Variants in NTRK1 observed in about 807,000 individuals in gnomAD.
NTRK1 encodes high affinity nerve growth factor receptor.
In NTRK1, 62 loss-of-function variants were observed where a neutral mutation model predicts 86.8. The observed-to-expected ratio is 0.71, with a 90% CI of 0.58 to 0.88. The LOEUF (loss-of-function observed/expected upper bound fraction) is 0.88. NTRK1 is among the 40% of genes least tolerant of loss of function. The pLI is 0.00. For missense variants in NTRK1, 967 were observed against 1,078.4 expected (o/e 0.90, Z 1.45); for synonymous variants, 469 against 456.6 (o/e 1.03, Z -0.35).
At chr1:156,846,271 T>G in intron 2 of NTRK1, 2 of 893,910 alleles carry the variant, frequency 2.2e-6, no homozygotes, top group Non-Finnish European at 3.3e-6. Context: ...AGTGTTTTGT[T>G]TCTGTCCTCC....
intron 1 of NTRK1, among the ~76,000 whole-genome samples, chr1:156,834,564 C>T (rs1168313323): frequency 2.6e-5 from 4 of 152,036 alleles, no homozygotes; most frequent in South Asian, 2.1e-4. Flanking sequence ...TGATCTTAGG[C>T]GAGTCATTTT....
At chr1:156,858,463 G>T, upstream of NTRK1, 1 of 1,117,958 alleles carries the variant, frequency 8.9e-7, no homozygotes, top group Non-Finnish European at 1.4e-6. Context: ...TGCTGTGGCT[G>T]CAAGCTCAGT....
At position 156,854,320 on chromosome 1, in the gene NTRK1, C is replaced by A; in HGVS notation, c.51-10034C>A. 1 of 1,593,382 alleles carries A rather than the reference C, an allele frequency of 6.3e-7. No individual in the cohort carries two copies. Among genetic ancestry groups the A allele is most frequent in the Non-Finnish European group, 8.5e-7 (1 of 1,170,742 alleles). ...TGGGGCACACTGTGGGCATACACGG[C>A]ACGCAGCATTGAGTACAGCCCAGGC... On this transcript the variant is annotated intron_variant, in intron 2 of 16. Coordinates refer to the NTRK1 transcript ENST00000392302. This position sits in a 1 kb window ranked among gnomAD's most constrained non-coding sequence, Gnocchi z 4.2.
intron 1 of NTRK1, among the ~76,000 whole-genome samples, chr1:156,824,702 C>T (rs1160591860): frequency 6.6e-6 from 1 of 152,182 alleles, no homozygotes; most frequent in African/African-American, 2.4e-5. Context: ...AAGAGCATGA[C>T]ATGTTTGTCA....
At chr1:156,870,526 G>T (rs1647493455) in intron 6 of NTRK1, among the ~76,000 whole-genome samples, 1 of 152,220 alleles carries the variant, frequency 6.6e-6, no homozygotes, top group African/African-American at 2.4e-5. Flanking sequence ...ACAGCCAAGG[G>T]AAGCAGAGGG....
intron 2 of NTRK1, chr1:156,845,671 A>T: frequency 1.2e-6 from 2 of 1,610,692 alleles, no homozygotes; most frequent in Non-Finnish European, 1.7e-6. Context: ...TTCTGGAACG[A>T]GGCCTCTTGC....
rs758075855 is a variant in NTRK1, at chr1:156,854,548, C to T, written c.51-9806C>T. The stretch of plus-strand genomic sequence containing the variant: ...TGATCCTCTCTCCCAAGCCCATCTC[C>T]CCTTCTTGGTTAATAGCGACTTCAT... On this transcript the variant is annotated intron_variant, in intron 2 of 16. Coordinates refer to the NTRK1 transcript ENST00000392302. The surrounding 1 kb of genome is among the most constrained non-coding windows in gnomAD (Gnocchi z 4.2). Among the ~76,000 whole-genome samples, 47 of 152,202 alleles carry T rather than the reference C, an allele frequency of 3.1e-4. No individual in the cohort carries two copies. The highest frequency in any genetic ancestry group is 5.3e-4 in the Non-Finnish European group (36 of 68,022).
intron 3 of NTRK1, chr1:156,865,176 A>T (rs1184936925): frequency 3.3e-6 from 1 of 305,064 alleles, no homozygotes; most frequent in Non-Finnish European, 6.4e-6. Flanking sequence ...GGCCCCTAGG[A>T]CATCCTGGGA....
intron 2 of NTRK1, chr1:156,844,196 C>T: frequency 6.2e-7 from 1 of 1,613,806 alleles, no homozygotes; most frequent in South Asian, 1.1e-5. Flanking sequence ...GTAGAAGAAA[C>T]CAAGGGCAGC....
rs963226936 is a variant in NTRK1, at chr1:156,841,218, G to A, written c.-63-863G>A. ...GGGGATCGTGGGCCATTATGCCTGG[G>A]AGGGTGAGAAGGGATTAAATGGGAG... On this transcript the variant is annotated intron_variant, in intron 1 of 16. Transcript: ENST00000392302. 6 of 1,005,506 alleles carry A rather than the reference G, an allele frequency of 6.0e-6. No homozygotes were observed. In the Admixed American group the frequency reaches 8.2e-5, roughly 14 times the overall value. The allele number at this position is 1,005,506 out of a possible 1,614,324, so 62.3% of individuals were successfully genotyped here. A position where few individuals can be genotyped will look rare whatever the true frequency, so the allele number is the denominator to read the frequency against.
chr1:156,828,619 C>T (rs918115354), intron 1 of NTRK1, among the ~76,000 whole-genome samples: 4 of 152,196 alleles, frequency 2.6e-5, no homozygotes, highest in Non-Finnish European at 4.4e-5. Context: ...CACAGGCACC[C>T]GCGTGGACGA....
At chr1:156,875,462 G>T (rs2102914783) in intron 11 of NTRK1, 58 bp from the exon 12 acceptor site, 1 of 1,609,972 alleles carries the variant, frequency 6.2e-7, no homozygotes, top group South Asian at 1.1e-5. Flanking sequence ...CTGCAGGCAA[G>T]GGTGGGCAGG....
At chr1:156,872,630 T>A (rs888767998) in intron 7 of NTRK1, among the ~76,000 whole-genome samples, 83 of 151,830 alleles carry the variant, frequency 5.5e-4, no homozygotes, top group Non-Finnish European at 1.0e-3. Flanking sequence ...TACATACACT[T>A]TTTTTCTATC....
At chr1:156,879,065 C>T (rs1466819628) in intron 14 of NTRK1, 57 bp from the exon 15 acceptor site, 1 of 1,603,660 alleles carries the variant, frequency 6.2e-7, no homozygotes, top group East Asian at 2.2e-5. Context: ...TCGCCTTCCT[C>T]AGGCTCCTGG....
chr1:156,822,609 G>GT lies in NTRK1; in HGVS notation c.-64+6771_-64+6772insT, dbSNP rs60950376. ...CTCAAAGACCGAGGCTAAAAGATTA[G>GT]AAAAAAAAAAAAAAAAAAAAGCTAT... is the stretch of plus-strand genomic sequence containing the variant. On this transcript the variant is annotated intron_variant, in intron 1 of 16. Transcript: ENST00000392302. Among the ~76,000 whole-genome samples the GT allele has an allele frequency of 5.7e-3, 465 of 81,314 alleles. 11 individuals are homozygous for GT. Among genetic ancestry groups the GT allele is most frequent in the Middle Eastern group, 0.017 (2 of 118 alleles). 53.3% of individuals were successfully genotyped at this position (81,314 alleles called of 152,430 possible). A position where few individuals can be genotyped will look rare whatever the true frequency, so the allele number is the denominator to read the frequency against.
chr1:156,863,975 C>T (rs1481720308), intron 1 of NTRK1, among the ~76,000 whole-genome samples: 1 of 152,024 alleles, frequency 6.6e-6, no homozygotes, highest in Non-Finnish European at 1.5e-5. Flanking sequence ...TGAGCGTGTT[C>T]CTGCAGGCAC....
At chr1:156,822,186 A>G (rs1056829299) in intron 1 of NTRK1, among the ~76,000 whole-genome samples, 1 of 152,180 alleles carries the variant, frequency 6.6e-6, no homozygotes, top group African/African-American at 2.4e-5. Flanking sequence ...CCCTCTCATT[A>G]TGTTCAGCTC....
chr1:156,842,044 C>T (rs1295969243), intron 1 of NTRK1: 1 of 1,601,918 alleles, frequency 6.2e-7, no homozygotes, highest in African/African-American at 1.3e-5. Flanking sequence ...TGTGGGTCTC[C>T]TGATGCCTAG....
chr1:156,864,340 C>T lies in NTRK1; in HGVS notation c.213-14C>T, dbSNP rs754031502. 1.1e-4 allele frequency: 183 copies of T among 1,613,894 alleles called. No homozygotes were observed. Among genetic ancestry groups the T allele is most frequent in the South Asian group, 1.6e-4 (15 of 91,070 alleles). ...GGGCCTGAGCCCTGTGACTCCCATC[C>T]GCTCTCCCCACAGCTACATCGAGAA... On this transcript the variant is annotated splice_polypyrimidine_tract_variant and intron_variant, in intron 1 of 16. Coordinates refer to ENST00000524377, the MANE Select transcript of NTRK1 (RefSeq NM_002529.4).
Sources: gnomAD v4.1 joint callset for allele counts (sites outside exome capture counted in the v4.1 genomes callset) on GRCh38, gnomAD v4.1.1 for gene constraint, Gnocchi (gnomAD v3.1) non-coding constraint, MANE v1.5 for transcripts, NCBI Gene and HGNC (gene_info 2026-07-23, HGNC 2026-07-21) for gene names.